The following PCDHGA1 variants were observed in gnomAD, a reference collection of about 807,000 sequenced individuals.
The protein encoded by PCDHGA1 is protocadherin gamma-A1.
A neutral mutation model predicts 58.0 loss-of-function variants in PCDHGA1; 32 were observed. The observed-to-expected ratio is 0.55, with a 90% CI of 0.42 to 0.74. The LOEUF (loss-of-function observed/expected upper bound fraction) is 0.74. PCDHGA1 is among the 30% of genes least tolerant of loss of function. The pLI is 0.00. For missense variants in PCDHGA1, 1,205 were observed against 1,182.3 expected, an observed-to-expected ratio of 1.02 and a Z score of -0.28; for synonymous variants, 498 against 501.1, an observed-to-expected ratio of 0.99 and a Z score of 0.08.
chr5:141,447,848 G>A (rs539844218), intron 1 of PCDHGA1, among the ~76,000 whole-genome samples: 46 of 152,302 alleles, frequency 3.0e-4, no homozygotes, highest in East Asian at 2.7e-3. Context: ...TGCTTTGGGA[G>A]GCCGAGGTGG....
intron 1 of PCDHGA1, chr5:141,412,947 C>A (rs930035804): frequency 2.1e-6 from 1 of 474,890 alleles, no homozygotes; most frequent in African/African-American, 2.0e-5. Flanking sequence ...CTCTGAGCGC[C>A]GCTGTTCACC....
At chr5:141,416,947 T>G (rs1436457377) in intron 1 of PCDHGA1, 1 of 152,184 alleles carries the variant, frequency 6.6e-6, no homozygotes, top group Non-Finnish European at 1.5e-5. Flanking sequence ...CCATTGAAAC[T>G]ATTATTTTAT....
At chr5:141,410,746 C>T in intron 1 of PCDHGA1, 1 of 1,269,920 alleles carries the variant, frequency 7.9e-7, no homozygotes, top group Non-Finnish European at 1.1e-6. Flanking sequence ...ACAATATTTT[C>T]TCAATGTTTT....
chr5:141,487,351 T>A lies in PCDHGA1; in HGVS notation c.2422-7456T>A. 6.2e-7 allele frequency: 1 copy of A among 1,614,210 alleles called. No individual in the cohort carries two copies. The highest frequency in any genetic ancestry group is 8.5e-7 in the Non-Finnish European group (1 of 1,180,038). On this transcript the variant is annotated intron_variant, in intron 1 of 3. Transcript: ENST00000517417. The surrounding 1 kb of genome is among the most constrained non-coding windows in gnomAD (Gnocchi z 5.0). ...GGGCAGCCTGTGGAGTCACATGCTT[T>A]CCTGCTGGCACCTGTGCCTGTCTCA...
rs1756540542 is a variant in PCDHGA1, at chr5:141,334,912, C to CAAAAAACA, written c.2421+1807_2421+1808insAAAAAACA. On this transcript the variant is annotated intron_variant, in intron 1 of 3. Coordinates refer to ENST00000517417, the MANE Select transcript of PCDHGA1 (RefSeq NM_018912.3). This position sits in a 1 kb window ranked among gnomAD's most constrained non-coding sequence, Gnocchi z 4.6. ...ATAGTGTAGAAGAGAAAAAAACAAA[C>CAAAAAACA]TAAAACTAAAAACAAACAGAGCTCT... is the stretch of plus-strand genomic sequence containing the variant. Among the ~76,000 whole-genome samples the CAAAAAACA allele has an allele frequency of 6.6e-6, 1 of 152,126 alleles. No homozygotes were observed. Among genetic ancestry groups the CAAAAAACA allele is most frequent in the Non-Finnish European group, 1.5e-5 (1 of 68,000 alleles).
At chr5:141,346,884 T>C (rs932836249) in intron 1 of PCDHGA1, among the ~76,000 whole-genome samples, 1 of 152,258 alleles carries the variant, frequency 6.6e-6, no homozygotes, top group Non-Finnish European at 1.5e-5. Flanking sequence ...CCAACCTGTA[T>C]AGCTTATCCT....
intron 1 of PCDHGA1, chr5:141,408,915 A>T (rs2095192273): frequency 1.2e-6 from 2 of 1,613,004 alleles, no homozygotes; most frequent in South Asian, 2.2e-5. Context: ...ACCAATGATA[A>T]CCCCCCGGTT....
At chr5:141,459,035 AC>A (rs1337856322) in intron 1 of PCDHGA1, among the ~76,000 whole-genome samples, 1 of 152,218 alleles carries the variant, frequency 6.6e-6, no homozygotes, top group Non-Finnish European at 1.5e-5. Flanking sequence ...ATCCAGCCTT[AC>A]CAGCTATATT....
At position 141,385,580 on chromosome 5, in the gene PCDHGA1, A is replaced by G. The variant is rs2090291043; in HGVS notation, c.2421+52475A>G. On this transcript the variant is annotated intron_variant, in intron 1 of 3. Transcript: ENST00000517417. Reference sequence around the variant, plus strand: ...ATAATTTCCACCTACTTTCCAATCTATGTTCCAACCTACTTTCTTAACTCA... The same window carrying G: ...ATAATTTCCACCTACTTTCCAATCTGTGTTCCAACCTACTTTCTTAACTCA... The G allele has an allele frequency of 4.7e-6, 6 of 1,280,456 alleles. No individual in the cohort carries two copies. The South Asian group carries it at 1.2e-4, about 25-fold the overall frequency. The allele number at this position is 1,280,456 out of a possible 1,614,324, so 79.3% of individuals were successfully genotyped here.
intron 1 of PCDHGA1, chr5:141,374,782 A>C (rs781674966): frequency 5.6e-6 from 9 of 1,613,904 alleles, no homozygotes; most frequent in Non-Finnish European, 7.6e-6. Flanking sequence ...TAACAGTTCT[A>C]GATGTGAATG....
At chr5:141,403,738 T>G in intron 1 of PCDHGA1, 3 of 1,613,930 alleles carry the variant, frequency 1.9e-6, no homozygotes, top group Admixed American at 3.3e-5. Context: ...CCTGGCTGCT[T>G]ACTGCAACAG....
intron 1 of PCDHGA1, chr5:141,427,900 C>T (rs1351712272): frequency 2.5e-6 from 4 of 1,571,732 alleles, no homozygotes; most frequent in Non-Finnish European, 3.5e-6. Flanking sequence ...GGCTCGCCCG[C>T]GCTCAGCGCC....
intron 1 of PCDHGA1, among the ~76,000 whole-genome samples, chr5:141,387,074 C>G (rs1268463514): frequency 6.6e-6 from 1 of 152,172 alleles, no homozygotes. Flanking sequence ...GAGTAGGCTA[C>G]TGCCTGTGAT....
At chr5:141,379,475 T>C (rs192049867) in intron 1 of PCDHGA1, 35 of 152,390 alleles carry the variant, frequency 2.3e-4, no homozygotes, top group African/African-American at 8.2e-4. Flanking sequence ...GTGTGAATGT[T>C]ATTTTACTAT....
intron 1 of PCDHGA1, chr5:141,340,351 C>T: frequency 1.2e-6 from 2 of 1,614,212 alleles, no homozygotes; most frequent in South Asian, 1.1e-5. Context: ...ACTCCACCTA[C>T]ATTCCCGAAA....
chr5:141,351,176 G>A (rs1758664342), intron 1 of PCDHGA1: 1 of 1,613,934 alleles, frequency 6.2e-7, no homozygotes, highest in Non-Finnish European at 8.5e-7. Context: ...ATTGGATTTT[G>A]AAGAGACAAG....
chr5:141,358,754 T>C (rs1332510048), intron 1 of PCDHGA1, among the ~76,000 whole-genome samples: 1 of 152,236 alleles, frequency 6.6e-6, no homozygotes, highest in Admixed American at 6.5e-5. Flanking sequence ...TCTCTTGTCA[T>C]CATGTGAGCC....
At position 141,484,932 on chromosome 5, in the gene PCDHGA1, C is replaced by T. The variant is rs1594431677; in HGVS notation, c.2422-9875C>T. On this transcript the variant is annotated intron_variant, in intron 1 of 3. Coordinates refer to ENST00000517417, the MANE Select transcript of PCDHGA1 (RefSeq NM_018912.3). ...CGCATTAACCCTGCTGCTGTTGGGA[C>T]GTTCTCTGCTCAGCCTATTGGCTGA... 1.2e-5 allele frequency: 6 copies of T among 501,356 alleles called. No individual in the cohort carries two copies. The East Asian group carries it at 1.4e-4, about 12-fold the overall frequency. 31.1% of individuals were successfully genotyped at this position (501,356 alleles called of 1,614,324 possible).
rs765818637 is a variant in PCDHGA1 at position 141,409,918 on chromosome 5, C to T, written c.2421+76813C>T. ...ACCCAGCTCTGGGTCCTGACGGCTC[C>T]GCGTTCTTCGATATGGTACCTCGCT... On this transcript the variant is annotated intron_variant, in intron 1 of 3. Coordinates refer to ENST00000517417, the MANE Select transcript of PCDHGA1 (RefSeq NM_018912.3). 1.9e-6 allele frequency: 3 copies of T among 1,613,222 alleles called. No individual in the cohort carries two copies. In the African/African-American group the frequency reaches 4.0e-5, roughly 22 times the overall value.
Sources: gnomAD v4.1 joint callset for allele counts (sites outside exome capture counted in the v4.1 genomes callset) on GRCh38, gnomAD v4.1.1 for gene constraint, Gnocchi (gnomAD v3.1) non-coding constraint, MANE v1.5 for transcripts, NCBI Gene and HGNC (gene_info 2026-07-23, HGNC 2026-07-21) for gene names.